Variants in XIRP2 observed in about 807,000 individuals in gnomAD.
XIRP2 encodes the protein xin actin binding repeat containing 2.
Under a neutral mutation model 277.0 loss-of-function variants are expected in XIRP2, and 236 were observed. The ratio of observed to expected loss-of-function variants is 0.85; its 90% CI spans 0.77 to 0.95. XIRP2 has a LOEUF of 0.95. Ranked by LOEUF, XIRP2 falls within the 40% of genes least tolerant of loss-of-function variation. The pLI is 0.00. For synonymous variants in XIRP2, 1,490 were observed against 1,416.5 expected, an observed-to-expected ratio of 1.05 and a Z score of -1.17; for missense variants, 4,640 against 4,157.5, an observed-to-expected ratio of 1.12 and a Z score of -3.19.
chr2:167,023,025 GC>G (rs943767959), intron 2 of XIRP2, among the ~76,000 whole-genome samples: 1 of 152,080 alleles, frequency 6.6e-6, no homozygotes, highest in African/African-American at 2.4e-5. Flanking sequence ...CTGAGGAATC[GC>G]CACACGGACT....
chr2:167,253,078 A>G (rs975752846), intron 9 of XIRP2, among the ~76,000 whole-genome samples: 1 of 151,942 alleles, frequency 6.6e-6, no homozygotes, highest in Non-Finnish European at 1.5e-5. Flanking sequence ...TTGACCATCT[A>G]GGCACTAAAG....
intron 2 of XIRP2, among the ~76,000 whole-genome samples, chr2:166,928,472 C>T (rs1685245863): frequency 6.6e-6 from 1 of 152,100 alleles, no homozygotes. Flanking sequence ...TTTGCATTAA[C>T]TTTTTCACTT....
At chr2:167,108,531 A>T (rs74976802) in intron 2 of XIRP2, among the ~76,000 whole-genome samples, 2,454 of 152,018 alleles carry the variant, frequency 0.016, 78 homozygotes, top group African/African-American at 0.056. Context: ...CATATTTCTC[A>T]TTTTTATTGT....
intron 2 of XIRP2, among the ~76,000 whole-genome samples, chr2:166,981,653 G>A (rs936877373): frequency 3.9e-5 from 6 of 151,930 alleles, no homozygotes; most frequent in Non-Finnish European, 7.4e-5. Context: ...CGCCTGCCTC[G>A]GCCTCCCAAA....
At chr2:167,026,079 T>C (rs944008238) in intron 2 of XIRP2, among the ~76,000 whole-genome samples, 3 of 152,172 alleles carry the variant, frequency 2.0e-5, no homozygotes, top group African/African-American at 7.2e-5. Flanking sequence ...ATTATTATTG[T>C]GTGGGAGTCT....
rs1370964205 is a variant in XIRP2, at chr2:167,232,920, G to A, written c.859-6935G>A. Among the ~76,000 whole-genome samples, 7 of 151,878 alleles carry A rather than the reference G, an allele frequency of 4.6e-5. No individual in the cohort carries two copies. In the South Asian group the frequency reaches 6.2e-4, roughly 13 times the overall value. ...TAGGCACCCACCATATGTCAGGCAC[G>A]AAAGATTCAATTATGTGTATGACAT... On this transcript the variant is annotated intron_variant, in intron 5 of 10. Transcript: ENST00000409195.
Position 167,201,256 on chromosome 2 carries a change from A to AGAGAGAGGG in XIRP2, c.563-9479_563-9478insGAGAGAGGG, listed in dbSNP as rs1559018426. Among the ~76,000 whole-genome samples, 18 of 101,276 alleles carry AGAGAGAGGG rather than the reference A, an allele frequency of 1.8e-4. 1 individual carries two copies. Among genetic ancestry groups the AGAGAGAGGG allele is most frequent in the African/African-American group, 6.4e-4 (16 of 25,046 alleles). 66.4% of individuals were successfully genotyped at this position (101,276 alleles called of 152,430 possible). A position where few individuals can be genotyped will look rare whatever the true frequency, so the allele number is the denominator to read the frequency against. ...AAAGAAAGAAAGAAAGAAAGAAAGAAAGAAAGAGAGAGGGAGAAAGGAAAG... is the reference window on the plus strand; with the variant it reads ...AAAGAAAGAAAGAAAGAAAGAAAGAAGAGAGAGGGAGAAAGAGAGAGGGAGAAAGGAAAG... On this transcript the variant is annotated intron_variant, in intron 3 of 10. Transcript: ENST00000409195.
At position 167,063,248 on chromosome 2, in the gene XIRP2, G is replaced by A. The variant is rs562522885; in HGVS notation, c.409-72661G>A. 5.3e-5 allele frequency among the ~76,000 whole-genome samples: 8 copies of A among 151,862 alleles called. No individual in the cohort carries two copies. In the South Asian group the frequency reaches 6.2e-4, roughly 12 times the overall value. On this transcript the variant is annotated intron_variant, in intron 2 of 10. Transcript: ENST00000409195. ...TTTTGTAATTGATTTCTAGAATAAC[G>A]TTTTTGTGTTCAGACAATATACTTT...
In XIRP2 at chr2:167,247,654, T is replaced by C; in HGVS notation, c.6262T>C (p.Ser2088Pro). 7.4e-6 allele frequency: 12 copies of C among 1,613,618 alleles called. No homozygotes were observed. The highest frequency in any genetic ancestry group is 1.0e-5 in the Non-Finnish European group (12 of 1,179,732). ...YMSRQLTSTVSVKNNLTTKES... is the reference protein window; with the variant it reads ...YMSRQLTSTVPVKNNLTTKES... ...GAGCAGACAATTAACTTCAACTGTG[T>C]CAGTTAAGAATAATCTAACAACTAA... The change falls in exon 9 of 11, where the codon TCA becomes CCA. Residue 2088 changes from serine (S) to proline (P), a missense_variant. Coordinates refer to ENST00000409195, the MANE Select transcript of XIRP2 (RefSeq NM_152381.6).
At chr2:167,054,481 C>A (rs900199156) in intron 2 of XIRP2, among the ~76,000 whole-genome samples, 1 of 152,074 alleles carries the variant, frequency 6.6e-6, no homozygotes, top group Admixed American at 6.5e-5. Flanking sequence ...GTCAGGAGTT[C>A]GAGACAAGCC....
At chr2:167,197,200 C>T (rs1212257838) in intron 3 of XIRP2, among the ~76,000 whole-genome samples, 1 of 152,150 alleles carries the variant, frequency 6.6e-6, no homozygotes, top group Non-Finnish European at 1.5e-5. Flanking sequence ...TTTATTTTTG[C>T]TCCTTCCTGG....
chr2:167,100,152 A>G (rs1006739775), intron 2 of XIRP2, among the ~76,000 whole-genome samples: 1 of 148,032 alleles, frequency 6.8e-6, no homozygotes, highest in African/African-American at 2.6e-5. Context: ...CCACTATACC[A>G]TAGTCTAAAA....
At chr2:167,143,743 G>A (rs73015969) in intron 3 of XIRP2, among the ~76,000 whole-genome samples, 1,809 of 151,512 alleles carry the variant, frequency 0.012, 44 homozygotes, top group African/African-American at 0.042. Context: ...AACAATTTTC[G>A]CCAATTAAAG....
intron 2 of XIRP2, among the ~76,000 whole-genome samples, chr2:166,947,600 TA>T: frequency 6.6e-6 from 1 of 152,082 alleles, no homozygotes; most frequent in African/African-American, 2.4e-5. Flanking sequence ...ACACACATTT[TA>T]GTGTGGTGTT....
intron 2 of XIRP2, among the ~76,000 whole-genome samples, chr2:167,029,891 T>C (rs974091584): frequency 5.9e-5 from 9 of 152,124 alleles, no homozygotes; most frequent in Admixed American, 5.2e-4. Flanking sequence ...GGACTTGTTA[T>C]TCATCAGTTC....
At chr2:166,986,452 GT>G (rs1335548787) in intron 2 of XIRP2, among the ~76,000 whole-genome samples, 1 of 152,182 alleles carries the variant, frequency 6.6e-6, no homozygotes, top group Non-Finnish European at 1.5e-5. Context: ...ATATTTACAC[GT>G]TGCGTGACAT....
chr2:167,206,525 GTC>G (rs1361306519), intron 3 of XIRP2, among the ~76,000 whole-genome samples: 1 of 152,104 alleles, frequency 6.6e-6, no homozygotes, highest in South Asian at 2.1e-4. Context: ...TATCGGCCAA[GTC>G]TCTGCTAAAA....
At chr2:167,071,738 ACTT>A (rs2105251609) in intron 2 of XIRP2, among the ~76,000 whole-genome samples, 2 of 152,294 alleles carry the variant, frequency 1.3e-5, no homozygotes, top group South Asian at 4.1e-4. Context: ...TATGGACCCT[ACTT>A]CTTCTGGAAG....
intron 1 of XIRP2, among the ~76,000 whole-genome samples, chr2:166,888,885 C>A (rs555518528): frequency 2.6e-5 from 4 of 152,290 alleles, no homozygotes; most frequent in South Asian, 2.1e-4. Flanking sequence ...TATTTTTGGA[C>A]ACTGAAAGAT....
Sources: allele counts gnomAD v4.1 joint callset (sites outside exome capture counted in the v4.1 genomes callset), GRCh38; gene constraint gnomAD v4.1.1; transcripts MANE v1.5; gene names NCBI Gene and HGNC (gene_info 2026-07-23, HGNC 2026-07-21).